The following DSCAM variants were observed in gnomAD, a reference collection of about 807,000 sequenced individuals.
DSCAM encodes the protein cell adhesion molecule DSCAM.
A neutral mutation model predicts 217.7 loss-of-function variants in DSCAM; 47 were observed. The ratio of observed to expected loss-of-function variants is 0.22; its 90% CI spans 0.17 to 0.28. The LOEUF is 0.28. Among genes scored for constraint, DSCAM ranks in the 10% least tolerant of loss-of-function variants. The pLI is 1.00. For synonymous variants in DSCAM, 1,056 were observed against 1,015.3 expected (o/e 1.04, Z -0.76); for missense variants, 2,080 against 2,618.3 (o/e 0.79, Z 4.49).
At chr21:40,693,157 G>C (rs534128671) in intron 2 of DSCAM, among the ~76,000 whole-genome samples, 1 of 152,292 alleles carries the variant, frequency 6.6e-6, no homozygotes, top group African/African-American at 2.4e-5. Context: ...ATACATAGCT[G>C]GGTAAGGTGG....
chr21:40,522,765 A>G (rs149424127), intron 3 of DSCAM, among the ~76,000 whole-genome samples: 1 of 152,184 alleles, frequency 6.6e-6, no homozygotes, highest in African/African-American at 2.4e-5. Context: ...CAGATGCCAA[A>G]TCTTCCTGTT....
intron 11 of DSCAM, among the ~76,000 whole-genome samples, chr21:40,218,700 C>T (rs546080595): frequency 2.0e-5 from 3 of 151,980 alleles, no homozygotes; most frequent in Admixed American, 2.0e-4. Flanking sequence ...TTGTAGAGAT[C>T]TTTCACCTCC....
chr21:40,556,217 CCA>C (rs2076670569), intron 3 of DSCAM, among the ~76,000 whole-genome samples: 1 of 152,208 alleles, frequency 6.6e-6, no homozygotes, highest in South Asian at 2.1e-4. Context: ...TTGAACAAAG[CCA>C]CAGTGTCCAG....
intron 1 of DSCAM, among the ~76,000 whole-genome samples, chr21:40,796,421 C>A (rs2091692631): frequency 6.6e-6 from 1 of 152,214 alleles, no homozygotes; most frequent in Non-Finnish European, 1.5e-5. Context: ...CAAAATAAAT[C>A]TTTGTTGTCA....
At chr21:40,230,060 T>C (rs2091367994) in intron 11 of DSCAM, among the ~76,000 whole-genome samples, 1 of 152,254 alleles carries the variant, frequency 6.6e-6, no homozygotes, top group African/African-American at 2.4e-5. Flanking sequence ...TTCAAGGTCA[T>C]TTTAACTTGC....
At chr21:40,485,232 T>C (rs949653510) in intron 3 of DSCAM, among the ~76,000 whole-genome samples, 8 of 139,890 alleles carry the variant, frequency 5.7e-5, no homozygotes, top group Non-Finnish European at 1.1e-4. Flanking sequence ...ACACTGACTT[T>C]CTTTCTTTTT....
At chr21:40,544,403 G>C (rs728411) in intron 3 of DSCAM, among the ~76,000 whole-genome samples, 7,801 of 152,242 alleles carry the variant, frequency 0.051, 279 homozygotes, top group Middle Eastern at 0.088. Context: ...ATTTGCAGAT[G>C]TAATTAGTTA....
chr21:40,444,805 C>A (rs1371832879), intron 3 of DSCAM, among the ~76,000 whole-genome samples: 2 of 152,164 alleles, frequency 1.3e-5, no homozygotes, highest in Non-Finnish European at 2.9e-5. Context: ...TGGCAGATTA[C>A]ATATGATGGT....
intron 1 of DSCAM, among the ~76,000 whole-genome samples, chr21:40,795,605 C>T (rs2091684654): frequency 6.6e-6 from 1 of 152,174 alleles, no homozygotes; most frequent in East Asian, 1.9e-4. Context: ...CCTCACACAA[C>T]AGCTGACTTT....
At chr21:40,561,123 T>C (rs1290544636) in intron 3 of DSCAM, among the ~76,000 whole-genome samples, 2 of 152,188 alleles carry the variant, frequency 1.3e-5, no homozygotes, top group African/African-American at 2.4e-5. Flanking sequence ...TTAAATAGCA[T>C]AGTGTATTTG....
At chr21:40,167,355 C>T (rs1466456195) in intron 15 of DSCAM, 67 bp from the exon 16 acceptor site, 11 of 1,431,750 alleles carry the variant, frequency 7.7e-6, no homozygotes, top group South Asian at 1.2e-5. Flanking sequence ...GCCTACACAG[C>T]CAAAGGTGGT....
At chr21:40,391,579 G>A (rs1221377381) in intron 3 of DSCAM, among the ~76,000 whole-genome samples, 2 of 152,182 alleles carry the variant, frequency 1.3e-5, no homozygotes, top group Non-Finnish European at 2.9e-5. Context: ...CTTCTCTCCA[G>A]GGTTGTTCAT....
At chr21:40,460,388 T>C (rs747352016) in intron 3 of DSCAM, among the ~76,000 whole-genome samples, 42 of 152,144 alleles carry the variant, frequency 2.8e-4, no homozygotes, top group Non-Finnish European at 5.1e-4. Flanking sequence ...ATGTTATTAT[T>C]AGACAAAAAT....
At chr21:40,209,194 C>A (rs911242483) in intron 11 of DSCAM, among the ~76,000 whole-genome samples, 5 of 152,112 alleles carry the variant, frequency 3.3e-5, no homozygotes, top group African/African-American at 1.2e-4. Context: ...CATGCTTCCG[C>A]CTTGATGACA....
At chr21:40,027,317 C>CTTCAT (rs2088411031) in intron 32 of DSCAM, among the ~76,000 whole-genome samples, 1 of 152,242 alleles carries the variant, frequency 6.6e-6, no homozygotes, top group African/African-American at 2.4e-5. Flanking sequence ...ACATTTTTTC[C>CTTCAT]TTCATTTCAA....
chr21:40,514,637 C>G (rs1397818456), intron 3 of DSCAM, among the ~76,000 whole-genome samples: 2 of 152,166 alleles, frequency 1.3e-5, no homozygotes, highest in Non-Finnish European at 2.9e-5. Flanking sequence ...AACTAACGAT[C>G]CTTTATGAAA....
chr21:40,551,229 G>A (rs536736259), intron 3 of DSCAM, among the ~76,000 whole-genome samples: 2 of 152,140 alleles, frequency 1.3e-5, no homozygotes, highest in African/African-American at 2.4e-5. Context: ...CAATACATGC[G>A]AGGTATACAT....
intron 3 of DSCAM, among the ~76,000 whole-genome samples, chr21:40,549,855 T>C (rs1296712966): frequency 6.6e-6 from 1 of 152,210 alleles, no homozygotes; most frequent in Admixed American, 6.5e-5. Context: ...TACTGTTAAC[T>C]ACCAGTATCT....
At chr21:40,815,973 AC>A (rs2091878051) in intron 1 of DSCAM, among the ~76,000 whole-genome samples, 1 of 152,212 alleles carries the variant, frequency 6.6e-6, no homozygotes, top group Non-Finnish European at 1.5e-5. Context: ...GGTTGTCACC[AC>A]AGATGAGGCA....
Sources: allele counts gnomAD v4.1 joint callset (sites outside exome capture counted in the v4.1 genomes callset), GRCh38; gene constraint gnomAD v4.1.1; transcripts MANE v1.5; gene names NCBI Gene and HGNC (gene_info 2026-07-23, HGNC 2026-07-21).